Variants in MAP7 observed in about 807,000 individuals in gnomAD.
The protein encoded by MAP7 is ensconsin.
In MAP7, 52 loss-of-function variants were observed where a neutral mutation model predicts 94.8. The observed-to-expected ratio is 0.55, with a 90% CI of 0.44 to 0.69. The LOEUF (loss-of-function observed/expected upper bound fraction) is 0.69. Among genes scored for constraint, MAP7 ranks in the 30% least tolerant of loss-of-function variants. The pLI is 0.00. For synonymous variants in MAP7, 350 were observed against 357.0 expected (o/e 0.98, Z 0.22); for missense variants, 940 against 964.6 (o/e 0.97, Z 0.34).
At chr6:136,439,750 G>T (rs1797319833) in intron 1 of MAP7, among the ~76,000 whole-genome samples, 1 of 152,026 alleles carries the variant, frequency 6.6e-6, no homozygotes, top group Non-Finnish European at 1.5e-5. Flanking sequence ...CCAGTATTAT[G>T]TTAATAATTA....
At chr6:136,544,863 G>T (rs552855012) in intron 1 of MAP7, among the ~76,000 whole-genome samples, 3 of 152,102 alleles carry the variant, frequency 2.0e-5, no homozygotes, top group Non-Finnish European at 2.9e-5. Flanking sequence ...GAACAGCTAA[G>T]CCGGGAGGAT....
At chr6:136,500,757 C>T (rs1313152796) in intron 1 of MAP7, among the ~76,000 whole-genome samples, 3 of 152,066 alleles carry the variant, frequency 2.0e-5, no homozygotes, top group Non-Finnish European at 4.4e-5. Context: ...TCCCATATTC[C>T]AGGTCTTAAT....
intron 1 of MAP7, among the ~76,000 whole-genome samples, chr6:136,546,653 T>C (rs1465645074): frequency 6.6e-6 from 1 of 152,204 alleles, no homozygotes; most frequent in African/African-American, 2.4e-5. Context: ...GAATTTTGTC[T>C]TCCTTGCTAA....
chr6:136,514,157 A>G (rs1240501643), intron 1 of MAP7, among the ~76,000 whole-genome samples: 3 of 152,232 alleles, frequency 2.0e-5, no homozygotes, highest in Admixed American at 1.3e-4. Flanking sequence ...CAGATCCATC[A>G]GAGGAATCAC....
intron 1 of MAP7, among the ~76,000 whole-genome samples, chr6:136,424,261 GA>G (rs890021225): frequency 2.0e-5 from 3 of 147,164 alleles, no homozygotes; most frequent in Admixed American, 6.8e-5. Context: ...AGTTCTCATG[GA>G]AAAAAAAATT....
chr6:136,481,948 A>G (rs1297432550), intron 1 of MAP7, among the ~76,000 whole-genome samples: 1 of 152,228 alleles, frequency 6.6e-6, no homozygotes, highest in Non-Finnish European at 1.5e-5. Flanking sequence ...ATCCAAGTGA[A>G]GGGTACATGG....
At chr6:136,465,520 A>C (rs1806717091) in intron 1 of MAP7, among the ~76,000 whole-genome samples, 1 of 152,234 alleles carries the variant, frequency 6.6e-6, no homozygotes, top group Non-Finnish European at 1.5e-5. Flanking sequence ...AAGGGCAAAA[A>C]AAATGGAAAG....
At chr6:136,356,429 G>A (rs1036277422) in intron 16 of MAP7, among the ~76,000 whole-genome samples, 1 of 152,108 alleles carries the variant, frequency 6.6e-6, no homozygotes, top group African/African-American at 2.4e-5. Flanking sequence ...GCCTCCCAAA[G>A]TGTTGGGATT....
At chr6:136,371,587 G>A (rs1774519708) in intron 8 of MAP7, among the ~76,000 whole-genome samples, 1 of 152,148 alleles carries the variant, frequency 6.6e-6, no homozygotes, top group South Asian at 2.1e-4. Context: ...TGTCCATCAG[G>A]TTTATAAATC....
chr6:136,381,919 C>CACACACACACACAGAG (rs373754692), intron 6 of MAP7, among the ~76,000 whole-genome samples: 229 of 103,024 alleles, frequency 2.2e-3, no homozygotes, highest in African/African-American at 3.3e-3. Context: ...CACACACACA[C>CACACACACACACAGAG]AGAGAGAGAG....
At chr6:136,524,129 A>G (rs1042038695) in intron 1 of MAP7, among the ~76,000 whole-genome samples, 2 of 152,134 alleles carry the variant, frequency 1.3e-5, no homozygotes, top group Admixed American at 6.5e-5. Context: ...CTGTAATCCC[A>G]GCTACTCAGG....
intron 1 of MAP7, among the ~76,000 whole-genome samples, chr6:136,546,507 A>G (rs1829750107): frequency 1.3e-5 from 2 of 152,172 alleles, no homozygotes; most frequent in Admixed American, 6.6e-5. Context: ...TATTTCACTT[A>G]ACATAATGAT....
chr6:136,528,797 C>T (rs1828238030), intron 1 of MAP7, among the ~76,000 whole-genome samples: 1 of 152,226 alleles, frequency 6.6e-6, no homozygotes, highest in Non-Finnish European at 1.5e-5. Flanking sequence ...AGCTGTGTCA[C>T]TGTCACAGAA....
chr6:136,358,008 C>T (rs1233178720), intron 15 of MAP7, among the ~76,000 whole-genome samples: 2 of 152,138 alleles, frequency 1.3e-5, no homozygotes, highest in Non-Finnish European at 1.5e-5. Flanking sequence ...CTCTTTGTAG[C>T]ACTGGTAACA....
intron 1 of MAP7, among the ~76,000 whole-genome samples, chr6:136,451,162 C>T (rs751303588): frequency 6.6e-6 from 1 of 152,196 alleles, no homozygotes; most frequent in Admixed American, 6.5e-5. Context: ...ATCTGCGCAA[C>T]AAACCTTACC....
intron 6 of MAP7, among the ~76,000 whole-genome samples, chr6:136,379,623 G>A (rs1041242253): frequency 6.6e-6 from 1 of 152,116 alleles, no homozygotes; most frequent in African/African-American, 2.4e-5. Flanking sequence ...GATGAGAAAG[G>A]GAAGAAAGTT....
At chr6:136,498,617 A>C (rs984917664) in intron 1 of MAP7, among the ~76,000 whole-genome samples, 4 of 151,990 alleles carry the variant, frequency 2.6e-5, no homozygotes, top group Non-Finnish European at 4.4e-5. Flanking sequence ...GAGGGAGATG[A>C]AAGGTAGAGT....
chr6:136,493,056 A>G (rs1327802699), intron 1 of MAP7, among the ~76,000 whole-genome samples: 3 of 151,884 alleles, frequency 2.0e-5, no homozygotes, highest in East Asian at 1.9e-4. Context: ...TAGTGCCAAG[A>G]AATGATGTGA....
intron 7 of MAP7, among the ~76,000 whole-genome samples, chr6:136,374,893 A>G (rs557635421): frequency 1.3e-5 from 2 of 152,354 alleles, no homozygotes; most frequent in East Asian, 3.8e-4. Flanking sequence ...AATTATTTGA[A>G]TAATCTTGCC....
Sources: allele counts gnomAD v4.1 joint callset (sites outside exome capture counted in the v4.1 genomes callset), GRCh38; gene constraint gnomAD v4.1.1; transcripts MANE v1.5; gene names NCBI Gene and HGNC (gene_info 2026-07-23, HGNC 2026-07-21).